The following APC variants were observed in gnomAD, a reference collection of about 807,000 sequenced individuals.
APC encodes the protein adenomatous polyposis coli protein.
Under a neutral mutation model 247.0 loss-of-function variants are expected in APC, and 72 were observed. That is an observed-to-expected ratio of 0.29 (90% CI 0.24 to 0.35). APC has a LOEUF of 0.35. APC is among the 10% of genes least tolerant of loss of function. The pLI, the probability that APC is intolerant of heterozygous loss-of-function variation, is 1.00. For missense variants in APC, 3,400 were observed against 3,360.7 expected, an observed-to-expected ratio of 1.01 and a Z score of -0.29; for synonymous variants, 1,254 against 1,162.5, an observed-to-expected ratio of 1.08 and a Z score of -1.60.
intron 1 of APC, among the ~76,000 whole-genome samples, chr5:112,748,652 A>G (rs1428042613): frequency 2.6e-5 from 4 of 152,022 alleles, no homozygotes; most frequent in South Asian, 2.1e-4. Flanking sequence ...ACTTGAGGTC[A>G]GGAGTTTGAG....
rs764000877 is a variant in APC at position 112,841,782 on chromosome 5, A to G, written c.6188A>G (p.His2063Arg). Residue 2063 changes from histidine to arginine, a missense_variant, in exon 16 of 16, where the codon CAT becomes CGT. By Grantham distance (29) the His-to-Arg change is conservative. Coordinates refer to ENST00000257430, the MANE Select transcript of APC (RefSeq NM_000038.6). The surrounding 1 kb of genome is among the most constrained non-coding windows in gnomAD (Gnocchi z 4.6). ...AGACTCAAGGGTGATAATGAAAAACATAGTCCCAGAAATATGGGTGGCATA... is the reference window on the plus strand; with the variant it reads ...AGACTCAAGGGTGATAATGAAAAACGTAGTCCCAGAAATATGGGTGGCATA... ...PSRLKGDNEK[H>R]SPRNMGGILG... 5 of 1,614,126 alleles carry G rather than the reference A, an allele frequency of 3.1e-6. No homozygotes were observed. The East Asian group carries it at 6.7e-5, about 22-fold the overall frequency.
intron 11 of APC, among the ~76,000 whole-genome samples, chr5:112,822,557 G>T (rs1369605315): frequency 6.6e-6 from 1 of 152,028 alleles, no homozygotes; most frequent in Admixed American, 6.5e-5. Context: ...ACTTCTTTAG[G>T]TATGTATTTT....
At position 112,838,737 on chromosome 5, in the gene APC, G is replaced by C. The variant is rs1321678123; in HGVS notation, c.3143G>C (p.Arg1048Thr). 1.9e-6 allele frequency: 3 copies of C among 1,614,166 alleles called. No individual in the cohort carries two copies. Among genetic ancestry groups the C allele is most frequent in the Non-Finnish European group, 2.5e-6 (3 of 1,180,026 alleles). The change falls in exon 16 of 16, where the codon AGA becomes ACA. Residue 1048 changes from arginine (R) to threonine (T), a missense_variant. Physicochemically the swap from Arg to Thr is moderately conservative, Grantham distance 71. Around this residue, in one of 9 missense-constraint regions of APC, gnomAD observed 715 missense variants for 656.6 expected, o/e 1.09. Coordinates refer to ENST00000257430, the MANE Select transcript of APC (RefSeq NM_000038.6). ...AGGCAAAGTCCTTCACAGAATGAAA[G>C]ATGGGCAAGACCCAAACACATAATA... ...SGRQSPSQNE[R>T]WARPKHIIED...
intron 8 of APC, among the ~76,000 whole-genome samples, chr5:112,808,908 TA>T (rs2149738127): frequency 6.6e-6 from 1 of 152,302 alleles, no homozygotes; most frequent in African/African-American, 2.4e-5. Flanking sequence ...AGTCGAGAAT[TA>T]CTCGCAGGTT....
intron 1 of APC, among the ~76,000 whole-genome samples, chr5:112,727,607 C>G (rs1233007196): frequency 6.6e-6 from 1 of 151,950 alleles, no homozygotes; most frequent in Non-Finnish European, 1.5e-5. Context: ...ACTGATTTAT[C>G]AGGTAATCTG....
chr5:112,784,059 T>C (rs1339243063), intron 6 of APC, among the ~76,000 whole-genome samples: 1 of 152,004 alleles, frequency 6.6e-6, no homozygotes, highest in Non-Finnish European at 1.5e-5. Flanking sequence ...CTTTAAATCT[T>C]TTTTGTTTGC....
chr5:112,727,355 C>T (rs985979269), intron 1 of APC, among the ~76,000 whole-genome samples: 1 of 152,058 alleles, frequency 6.6e-6, no homozygotes, highest in Non-Finnish European at 1.5e-5. Flanking sequence ...TAGGCAATGC[C>T]ATCTGCAGTT....
At chr5:112,825,491 C>A (rs901399037) in intron 11 of APC, among the ~76,000 whole-genome samples, 1 of 152,164 alleles carries the variant, frequency 6.6e-6, no homozygotes, top group African/African-American at 2.4e-5. Context: ...GGCCCAGGGG[C>A]CCTTTCACAT....
Position 112,796,715 on chromosome 5 carries a change from G to T in APC, c.729+4186G>T, listed in dbSNP as rs142517586. ...ATGACCTTTTTGGCTTTCTACTGAAGTTTTTATGTGTCTTTCATCCTTAAG... is the reference window on the plus strand; with the variant it reads ...ATGACCTTTTTGGCTTTCTACTGAATTTTTTATGTGTCTTTCATCCTTAAG... On this transcript the variant is annotated intron_variant, in intron 7 of 15. Transcript: ENST00000257430. Among the ~76,000 whole-genome samples the T allele has an allele frequency of 2.6e-3, 400 of 152,016 alleles. 2 individuals are homozygous for T. Among genetic ancestry groups the T allele is most frequent in the Non-Finnish European group, 4.5e-3 (306 of 67,932 alleles).
chr5:112,789,330 CCTGTTTTGGAGCATT>C (rs1285652087), intron 6 of APC, among the ~76,000 whole-genome samples: 3 of 152,078 alleles, frequency 2.0e-5, no homozygotes, highest in Admixed American at 1.3e-4. Context: ...CCAAAAGTTT[CCTGTTTTGGAGCATT>C]TTGGGTTTTG....
At chr5:112,743,056 T>C (rs965055713) in intron 1 of APC, among the ~76,000 whole-genome samples, 2 of 152,202 alleles carry the variant, frequency 1.3e-5, no homozygotes, top group Non-Finnish European at 2.9e-5. Context: ...TGGCTCTGCG[T>C]CTCCTCTAGA....
intron 8 of APC, among the ~76,000 whole-genome samples, chr5:112,802,821 T>C (rs1760976851): frequency 6.6e-6 from 1 of 152,062 alleles, no homozygotes; most frequent in African/African-American, 2.4e-5. Flanking sequence ...AAGATCACAT[T>C]ATTTGCAAAC....
Position 112,846,234 on chromosome 5 carries a change from C to A in APC, c.*2108C>A. On this transcript the variant is annotated 3_prime_UTR_variant, in exon 16 of 16. Transcript: ENST00000257430. ...CAGGCTTCCATAAACAATGGAGATA[C>A]ATGCATATAGGTCATACTGGTTTCC... 4.4e-6 allele frequency: 1 copy of A among 229,146 alleles called. No homozygotes were observed. Among genetic ancestry groups the A allele is most frequent in the Non-Finnish European group, 8.7e-6 (1 of 115,504 alleles). 14.2% of individuals were successfully genotyped at this position (229,146 alleles called of 1,614,324 possible).
chr5:112,819,342 C>T lies in APC; in HGVS notation c.1310C>T (p.Pro437Leu), dbSNP rs762936223. 6.2e-7 allele frequency: 1 copy of T among 1,613,964 alleles called. No homozygotes were observed. Among genetic ancestry groups the T allele is most frequent in the Non-Finnish European group, 8.5e-7 (1 of 1,179,928 alleles). ...CCAGGCATGGACCAGGACAAAAATC[C>T]AAGTATGTTCTCTATAGTGTACATC... ...HEPGMDQDKN[P>L]MPAPVEHQIC... is the part of the protein sequence containing the mutation. The change falls in exon 10 of 16, where the codon CCA becomes CTA. Residue 437 changes from proline to leucine, a missense_variant and splice_region_variant. By Grantham distance (98) the Pro-to-Leu change is moderately conservative. Around this residue, in one of 9 missense-constraint regions of APC, gnomAD observed 199 missense variants for 212.5 expected, o/e 0.94. Transcript: ENST00000257430.
At chr5:112,763,582 A>G (rs1291424409) in intron 2 of APC, among the ~76,000 whole-genome samples, 4 of 151,890 alleles carry the variant, frequency 2.6e-5, no homozygotes, top group Non-Finnish European at 5.9e-5. Flanking sequence ...AGTTTTGAAA[A>G]AATTAGATGT....
rs1554080056 is a variant in APC at position 112,819,220 on chromosome 5, T to C, written c.1188T>C (p.Asp396=). The C allele has an allele frequency of 7.4e-6, 12 of 1,613,996 alleles. No homozygotes were observed. Among genetic ancestry groups the C allele is most frequent in the Non-Finnish European group, 9.3e-6 (11 of 1,179,948 alleles). ...ALHNIIHSQP[D]DKRGRREIRV... Reference sequence around the variant, plus strand: ...ACAACATCATTCACTCACAGCCTGATGACAAGAGAGGCAGGCGTGAAATCC... The same window carrying C: ...ACAACATCATTCACTCACAGCCTGACGACAAGAGAGGCAGGCGTGAAATCC... The change falls in exon 10 of 16, where the codon GAT becomes GAC. Residue 396 remains aspartate (D), a synonymous_variant. Transcript: ENST00000257430.
In APC at chr5:112,728,931, C is replaced by T. The variant is rs533870002; in HGVS notation, c.165+21049C>T. ...ATATGGTGAATTCTGAGTTTTTTAACCTAACACACAATATTGAAATCTCTG... is the reference window on the plus strand; with the variant it reads ...ATATGGTGAATTCTGAGTTTTTTAATCTAACACACAATATTGAAATCTCTG... On this transcript the variant is annotated intron_variant, in intron 1 of 13. Transcript: ENST00000507379. 7.2e-5 allele frequency among the ~76,000 whole-genome samples: 11 copies of T among 152,174 alleles called. No homozygotes were observed. In the East Asian group the frequency reaches 2.1e-3, roughly 29 times the overall value.
intron 1 of APC, among the ~76,000 whole-genome samples, chr5:112,749,283 G>T (rs1263804623): frequency 6.6e-6 from 1 of 151,952 alleles, no homozygotes; most frequent in African/African-American, 2.4e-5. Flanking sequence ...TCTTTGACCT[G>T]TATGTCATGG....
At position 112,774,373 on chromosome 5, in the gene APC, A is replaced by G. The variant is rs1757370767; in HGVS notation, c.423-1256A>G. ...GAGATGCCCAACTGGTAAGTATAATAGAAATATTCCAAAATCCAAAAACAC... is the reference window on the plus strand; with the variant it reads ...GAGATGCCCAACTGGTAAGTATAATGGAAATATTCCAAAATCCAAAAACAC... On this transcript the variant is annotated intron_variant, in intron 4 of 15. Coordinates refer to ENST00000257430, the MANE Select transcript of APC (RefSeq NM_000038.6). Among the ~76,000 whole-genome samples, 3 of 152,154 alleles carry G rather than the reference A, an allele frequency of 2.0e-5. No individual in the cohort carries two copies. The South Asian group carries it at 6.2e-4, about 31-fold the overall frequency.
Sources: gnomAD v4.1 joint callset for allele counts (sites outside exome capture counted in the v4.1 genomes callset) on GRCh38, gnomAD v4.1.1 for gene constraint, gnomAD v4.1.1 regional missense constraint, Gnocchi (gnomAD v3.1) non-coding constraint, MANE v1.5 for transcripts, NCBI Gene and HGNC (gene_info 2026-07-23, HGNC 2026-07-21) for gene names.